The following HDGFL3 variants were observed in gnomAD, a reference collection of about 807,000 sequenced individuals.
The protein encoded by HDGFL3 is HDGF like 3.
In HDGFL3, 6 loss-of-function variants were observed where a neutral mutation model predicts 27.6. That is an observed-to-expected ratio of 0.22 (90% confidence interval 0.12 to 0.43). The LOEUF (loss-of-function observed/expected upper bound fraction) is 0.43. HDGFL3 is among the 20% of genes least tolerant of loss of function. HDGFL3 has a pLI of 1.00. For missense variants in HDGFL3, 207 were observed against 250.1 expected (o/e 0.83, Z 1.16); for synonymous variants, 88 against 88.9 (o/e 0.99, Z 0.05).
At chr15:83,140,665 A>G in intron 5 of HDGFL3, among the ~76,000 whole-genome samples, 1 of 151,994 alleles carries the variant, frequency 6.6e-6, no homozygotes, top group East Asian at 1.9e-4. Context: ...TATTTTTAGT[A>G]GAGATGGGAT....
At chr15:83,193,429 T>C (rs2037535412) in intron 1 of HDGFL3, among the ~76,000 whole-genome samples, 2 of 151,818 alleles carry the variant, frequency 1.3e-5, no homozygotes, top group Admixed American at 6.6e-5. Flanking sequence ...AAACAGAAAA[T>C]AAGCATCGGC....
At position 83,137,164 on chromosome 15, in the gene HDGFL3, TC is replaced by T. The variant is rs2036662323; in HGVS notation, c.*2105del. ...TTTAAATGTTGTTTGAAAAATGTTT[TC>T]CCAAGGAAAGTTTATTATTTGCTGC... On this transcript the variant is annotated 3_prime_UTR_variant, in exon 6 of 6. Transcript: ENST00000299633. 6.6e-6 allele frequency: 1 copy of T among 152,218 alleles called. No homozygotes were observed. 9.4% of individuals were successfully genotyped at this position (152,218 alleles called of 1,614,324 possible). A position where few individuals can be genotyped will look rare whatever the true frequency, so the allele number is the denominator to read the frequency against.
chr15:83,200,551 T>G (rs1290135487), intron 1 of HDGFL3, among the ~76,000 whole-genome samples: 1 of 152,206 alleles, frequency 6.6e-6, no homozygotes, highest in Non-Finnish European at 1.5e-5. Context: ...CTTTGTGTTC[T>G]TGGGAGATAA....
intron 1 of HDGFL3, among the ~76,000 whole-genome samples, chr15:83,173,866 G>C (rs2037276303): frequency 6.6e-6 from 1 of 152,128 alleles, no homozygotes; most frequent in South Asian, 2.1e-4. Flanking sequence ...ATAAGAAAAA[G>C]GCTCTGGTAT....
chr15:83,201,477 C>A (rs1359632727), intron 1 of HDGFL3, among the ~76,000 whole-genome samples: 1 of 152,142 alleles, frequency 6.6e-6, no homozygotes, highest in East Asian at 1.9e-4. Flanking sequence ...GATCTAACAT[C>A]TGAGACTTTT....
chr15:83,156,000 T>C (rs968371506), intron 4 of HDGFL3, among the ~76,000 whole-genome samples: 6 of 152,226 alleles, frequency 3.9e-5, no homozygotes, highest in African/African-American at 1.4e-4. Flanking sequence ...TAGGATCATG[T>C]CATTCCTCTG....
Position 83,136,801 on chromosome 15 carries a change from T to C in HDGFL3, c.*2469A>G. 6.8e-6 allele frequency: 5 copies of C among 739,678 alleles called. No homozygotes were observed. The highest frequency in any genetic ancestry group is 8.5e-6 in the Non-Finnish European group (4 of 471,234). 45.8% of individuals were successfully genotyped at this position (739,678 alleles called of 1,614,324 possible). A position where few individuals can be genotyped will look rare whatever the true frequency, so the allele number is the denominator to read the frequency against. On this transcript the variant is annotated 3_prime_UTR_variant, in exon 6 of 6. Coordinates refer to ENST00000299633, the MANE Select transcript of HDGFL3 (RefSeq NM_016073.4). The stretch of plus-strand genomic sequence containing the variant: ...ATATGTACATTCTTGCTCTGCACTG[T>C]ATGTGTGAGCTATATGGTATTGTGT...
chr15:83,159,655 G>A (rs1391984599), intron 2 of HDGFL3, among the ~76,000 whole-genome samples: 2 of 152,166 alleles, frequency 1.3e-5, no homozygotes, highest in Non-Finnish European at 2.9e-5. Context: ...GCTAAGTAAA[G>A]AACAAAGAAA....
At chr15:83,113,343 C>T (rs962550835) in exon 4 of HDGFL3, 1 of 176,336 alleles carries the variant, frequency 5.7e-6, no homozygotes, top group African/African-American at 2.4e-5. Flanking sequence ...CTATAGTGCA[C>T]CTTGTATGAC....
chr15:83,176,923 T>C (rs1167485976), intron 1 of HDGFL3, among the ~76,000 whole-genome samples: 1 of 152,054 alleles, frequency 6.6e-6, no homozygotes, highest in African/African-American at 2.4e-5. Context: ...ATATTAAATG[T>C]GGTATCCTAA....
intron 1 of HDGFL3, among the ~76,000 whole-genome samples, chr15:83,201,874 A>G (rs2037651520): frequency 6.6e-6 from 1 of 152,190 alleles, no homozygotes; most frequent in Non-Finnish European, 1.5e-5. Context: ...AATCCTTGGC[A>G]AAGTGAAAGT....
intron 1 of HDGFL3, among the ~76,000 whole-genome samples, chr15:83,178,780 T>C (rs1442754950): frequency 6.6e-6 from 1 of 152,240 alleles, no homozygotes; most frequent in Non-Finnish European, 1.5e-5. Flanking sequence ...TAATTCATTA[T>C]TTATTATTCT....
At chr15:83,126,901 A>C (rs1441754846), downstream of HDGFL3, 10 of 1,462,314 alleles carry the variant, frequency 6.8e-6, no homozygotes, top group Non-Finnish European at 9.5e-6. Context: ...CTTTTTAAAA[A>C]ATGGGTCCCA....
In HDGFL3 at chr15:83,157,412, A is replaced by T. The variant is rs376794822; in HGVS notation, c.459+3T>A. 3.1e-6 allele frequency: 5 copies of T among 1,611,608 alleles called. No individual in the cohort carries two copies. The highest frequency in any genetic ancestry group is 3.4e-6 in the Non-Finnish European group (4 of 1,178,212). ...TAATAACAATGAGAAGTTTCTTAGTAACCTTTGAAGTATATGACTTTTTCC... is the reference window on the plus strand; with the variant it reads ...TAATAACAATGAGAAGTTTCTTAGTTACCTTTGAAGTATATGACTTTTTCC... On this transcript the variant is annotated splice_donor_region_variant and intron_variant, in intron 4 of 5. Coordinates refer to ENST00000299633, the MANE Select transcript of HDGFL3 (RefSeq NM_016073.4).
At position 83,128,840 on chromosome 15, in the gene HDGFL3, T is replaced by C. The variant is rs1372032636; in HGVS notation, c.*10430A>G. The C allele has an allele frequency of 1.3e-5, 2 of 152,104 alleles. No individual in the cohort carries two copies. The highest frequency in any genetic ancestry group is 2.4e-5 in the African/African-American group (1 of 41,400). The allele number at this position is 152,104 out of a possible 1,614,324, so 9.4% of individuals were successfully genotyped here. A position where few individuals can be genotyped will look rare whatever the true frequency, so the allele number is the denominator to read the frequency against. Reference sequence around the variant, plus strand: ...GACCACCACTAAGTCCTTTTTTTTTTCTTTTAAAGAGACAGGGTCTTGCTC... The same window carrying C: ...GACCACCACTAAGTCCTTTTTTTTTCCTTTTAAAGAGACAGGGTCTTGCTC... On this transcript the variant is annotated 3_prime_UTR_variant, in exon 6 of 6. Coordinates refer to ENST00000299633, the MANE Select transcript of HDGFL3 (RefSeq NM_016073.4).
intron 3 of HDGFL3, among the ~76,000 whole-genome samples, chr15:83,120,586 TC>T (rs372776578): frequency 5.3e-5 from 8 of 149,830 alleles, no homozygotes; most frequent in African/African-American, 1.5e-4. Flanking sequence ...TCCAGCTAAT[TC>T]TTTTTTTTTT....
At chr15:83,170,333 A>C (rs1016980820) in intron 1 of HDGFL3, among the ~76,000 whole-genome samples, 2 of 152,262 alleles carry the variant, frequency 1.3e-5, no homozygotes, top group Admixed American at 6.5e-5. Context: ...GTAAGGCCAC[A>C]TTAACCAAAA....
chr15:83,183,306 C>G (rs917223165), intron 1 of HDGFL3, among the ~76,000 whole-genome samples: 32 of 152,006 alleles, frequency 2.1e-4, no homozygotes, highest in African/African-American at 7.7e-4. Flanking sequence ...TGCACAAGGC[C>G]TGCCCCAGAA....
chr15:83,150,188 G>C (rs2036946350), intron 5 of HDGFL3, among the ~76,000 whole-genome samples: 1 of 152,172 alleles, frequency 6.6e-6, no homozygotes, highest in South Asian at 2.1e-4. Context: ...TGGTAGTAAA[G>C]GGAAGAGAAA....
Sources: gnomAD v4.1 joint callset for allele counts (sites outside exome capture counted in the v4.1 genomes callset) on GRCh38, gnomAD v4.1.1 for gene constraint, MANE v1.5 for transcripts, NCBI Gene and HGNC (gene_info 2026-07-23, HGNC 2026-07-21) for gene names.